The following UGT2B7 variants were observed in gnomAD, a reference collection of about 807,000 sequenced individuals.
UGT2B7 encodes the protein UDP glucuronosyltransferase family 2 member B7.
Under a neutral mutation model 51.9 loss-of-function variants are expected in UGT2B7, and 51 were observed. The observed-to-expected ratio is 0.98, with a 90% CI of 0.78 to 1.24. The LOEUF (loss-of-function observed/expected upper bound fraction) is 1.24. UGT2B7 is among the 50% of genes most tolerant of loss of function. UGT2B7 has a pLI of 0.00. For missense variants in UGT2B7, 727 were observed against 628.4 expected (o/e 1.16, Z -1.68); for synonymous variants, 225 against 211.6 (o/e 1.06, Z -0.55).
At chr4:69,073,747 GA>G (rs33927176) in intron 1 of UGT2B7, among the ~76,000 whole-genome samples, 143,221 of 152,052 alleles carry the variant, frequency 0.94, 67,510 homozygotes, top group East Asian at 1. Flanking sequence ...GAGAGCTTTG[GA>G]AAAAAAACAG....
At chr4:69,087,088 C>A (rs1235574905) in intron 1 of UGT2B7, among the ~76,000 whole-genome samples, 1 of 151,388 alleles carries the variant, frequency 6.6e-6, no homozygotes, top group African/African-American at 2.4e-5. Flanking sequence ...GTCTCTCTCT[C>A]TCTGTGTCTT....
intron 5 of UGT2B7, among the ~76,000 whole-genome samples, chr4:69,108,834 A>C (rs1309780913): frequency 6.6e-6 from 1 of 152,164 alleles, no homozygotes; most frequent in African/African-American, 2.4e-5. Context: ...CCATGAAGCC[A>C]TCACTATTAC....
chr4:69,070,936 A>T (rs1446195846), intron 1 of UGT2B7, among the ~76,000 whole-genome samples: 2 of 152,104 alleles, frequency 1.3e-5, no homozygotes, highest in Non-Finnish European at 2.9e-5. Flanking sequence ...TTCTCTTGAA[A>T]ATTTTCTTTG....
chr4:69,099,382 G>A (rs191501443), intron 2 of UGT2B7, among the ~76,000 whole-genome samples: 8 of 151,814 alleles, frequency 5.3e-5, no homozygotes, highest in East Asian at 1.9e-4. Context: ...AGCCAGATAC[G>A]TATTAGGAGT....
intron 1 of UGT2B7, among the ~76,000 whole-genome samples, chr4:69,054,631 C>G (rs143010858): frequency 2.6e-5 from 4 of 151,920 alleles, no homozygotes; most frequent in Non-Finnish European, 5.9e-5. Flanking sequence ...GCCCAACCTC[C>G]GAGACAATCC....
At chr4:69,051,975 C>T (rs1465446629) in intron 1 of UGT2B7, among the ~76,000 whole-genome samples, 2 of 151,972 alleles carry the variant, frequency 1.3e-5, no homozygotes, top group African/African-American at 2.4e-5. Context: ...GTGGTGTGAG[C>T]GTGGTGTTTT....
chr4:69,095,620 C>T (rs899409906), upstream of UGT2B7, among the ~76,000 whole-genome samples: 2 of 152,188 alleles, frequency 1.3e-5, no homozygotes, highest in Non-Finnish European at 2.9e-5. Flanking sequence ...GGAAGTGAGT[C>T]GGAGAACAAG....
intron 1 of UGT2B7, among the ~76,000 whole-genome samples, chr4:69,067,841 A>C (rs962701225): frequency 6.6e-6 from 1 of 152,150 alleles, no homozygotes; most frequent in African/African-American, 2.4e-5. Context: ...CATAAGTTCT[A>C]AAATAGCCAA....
intron 1 of UGT2B7, among the ~76,000 whole-genome samples, chr4:69,085,226 C>T (rs1354415960): frequency 5.9e-5 from 9 of 152,062 alleles, no homozygotes; most frequent in Admixed American, 2.0e-4. Context: ...ATAATGATGA[C>T]GAGCTTTTTT....
chr4:69,097,487 C>A (rs539099174), intron 1 of UGT2B7, among the ~76,000 whole-genome samples: 1 of 152,208 alleles, frequency 6.6e-6, no homozygotes, highest in Non-Finnish European at 1.5e-5. Context: ...TACATTAGTG[C>A]ATCTAAGACT....
At chr4:69,084,407 T>TTTAAAGC (rs1379088022) in intron 1 of UGT2B7, among the ~76,000 whole-genome samples, 4 of 142,916 alleles carry the variant, frequency 2.8e-5, no homozygotes, top group Admixed American at 1.5e-4. Context: ...TTAAAGCATT[T>TTTAAAGC]ACTTCTCTTT....
chr4:69,079,262 C>T (rs549305963), intron 1 of UGT2B7, among the ~76,000 whole-genome samples: 6 of 152,112 alleles, frequency 3.9e-5, no homozygotes, highest in South Asian at 2.1e-4. Flanking sequence ...ACTGCTGGGC[C>T]GGAAGCTCTA....
upstream of UGT2B7, among the ~76,000 whole-genome samples, chr4:69,095,170 G>T (rs571424359): frequency 2.6e-5 from 4 of 152,322 alleles, no homozygotes; most frequent in Non-Finnish European, 5.9e-5. Flanking sequence ...TGGCAGCAAA[G>T]AAGGAGTTTA....
At chr4:69,073,078 A>G (rs1055384254) in intron 1 of UGT2B7, among the ~76,000 whole-genome samples, 1 of 152,116 alleles carries the variant, frequency 6.6e-6, no homozygotes, top group African/African-American at 2.4e-5. Flanking sequence ...TATAATAAGA[A>G]TTGACATACT....
chr4:69,096,750 A>G lies in UGT2B7; in HGVS notation c.230A>G (p.Tyr77Cys), dbSNP rs1351159277. ...TCATCCGCTCTTAAAATTGAAATTT[A>G]TCCCACATCTTTAACTAAAACTGAG... ...NNSSALKIEI[Y>C]PTSLTKTELE... The change falls in exon 1 of 6, where the codon TAT (tyrosine) becomes TGT (cysteine). Residue 77 changes from tyrosine to cysteine, a missense_variant. Physicochemically the swap from Tyr to Cys is radical, Grantham distance 194 (BLOSUM62 -2). Transcript: ENST00000305231. 1 of 1,613,938 alleles carries G rather than the reference A, an allele frequency of 6.2e-7. No homozygotes were observed. Among genetic ancestry groups the G allele is most frequent in the Non-Finnish European group, 8.5e-7 (1 of 1,179,940 alleles).
chr4:69,070,437 GA>G lies in UGT2B7; in HGVS notation c.-159+18847del, dbSNP rs35601781. On this transcript the variant is annotated intron_variant, in intron 1 of 5. Coordinates refer to the UGT2B7 transcript ENST00000502942. ...ATATGGAATATATGTGTCCCTGTCA[GA>G]AAAAAAAAAAAGAAAAACAGAGCAA... 6.4e-3 allele frequency among the ~76,000 whole-genome samples: 903 copies of G among 140,146 alleles called. 4 individuals carry two copies. Among genetic ancestry groups the G allele is most frequent in the Non-Finnish European group, 8.8e-3 (561 of 64,040 alleles). 91.9% of individuals were successfully genotyped at this position (140,146 alleles called of 152,430 possible).
At position 69,107,272 on chromosome 4, in the gene UGT2B7, T is replaced by C. The variant is rs762042063; in HGVS notation, c.1090+10T>C. 6.3e-7 allele frequency: 1 copy of C among 1,598,050 alleles called. No individual in the cohort carries two copies. Among genetic ancestry groups the C allele is most frequent in the Non-Finnish European group, 8.5e-7 (1 of 1,169,780 alleles). Reference sequence around the variant, plus strand: ...CAGAATGACCTTCTAGGTAAGACTCTGGTGAACAAATACTGAATATATTAG... The same window carrying C: ...CAGAATGACCTTCTAGGTAAGACTCCGGTGAACAAATACTGAATATATTAG... On this transcript the variant is annotated intron_variant, in intron 4 of 5. Coordinates refer to ENST00000305231, the MANE Select transcript of UGT2B7 (RefSeq NM_001074.4).
At chr4:69,077,632 G>A (rs918041413) in intron 1 of UGT2B7, among the ~76,000 whole-genome samples, 2 of 151,208 alleles carry the variant, frequency 1.3e-5, no homozygotes, top group Admixed American at 6.6e-5. Context: ...CATTGACTTC[G>A]TATCCTGAGA....
chr4:69,086,285 T>A (rs1165227672), intron 1 of UGT2B7, among the ~76,000 whole-genome samples: 2 of 151,910 alleles, frequency 1.3e-5, no homozygotes, highest in South Asian at 4.1e-4. Flanking sequence ...TGTATAGTTG[T>A]ACATGTTCCC....
Sources: gnomAD v4.1 joint callset for allele counts (sites outside exome capture counted in the v4.1 genomes callset) on GRCh38, gnomAD v4.1.1 for gene constraint, MANE v1.5 for transcripts, NCBI Gene and HGNC (gene_info 2026-07-23, HGNC 2026-07-21) for gene names.